The following RASGRF2 variants were observed in gnomAD, a reference collection of about 807,000 sequenced individuals.
RASGRF2 encodes the protein Ras protein specific guanine nucleotide releasing factor 2, also known as ras-specific guanine nucleotide-releasing factor 2.
Under a neutral mutation model 151.0 loss-of-function variants are expected in RASGRF2, and 76 were observed. The observed-to-expected ratio is 0.50, with a 90% CI of 0.42 to 0.61. RASGRF2 has a LOEUF of 0.61. Ranked by LOEUF, RASGRF2 falls within the 20% of genes least tolerant of loss-of-function variation. The pLI, the probability that RASGRF2 is intolerant of heterozygous loss-of-function variation, is 0.00. For synonymous variants in RASGRF2, 504 were observed against 566.5 expected (o/e 0.89, Z 1.57); for missense variants, 1,148 against 1,564.6 (o/e 0.73, Z 4.49).
At chr5:81,095,107 GTCAC>G in intron 12 of RASGRF2, 115 bp downstream of exon 12, 1 of 687,804 alleles carries the variant, frequency 1.5e-6, no homozygotes, top group Non-Finnish European at 2.1e-6. Context: ...AGTTGCTATG[GTCAC>G]TGCCATAATC....
chr5:81,095,074 A>G (rs573282227), intron 12 of RASGRF2, 82 bp downstream of exon 12: 249 of 1,122,436 alleles, frequency 2.2e-4, no homozygotes, highest in Admixed American at 3.4e-4. Context: ...GAGGTTTTTT[A>G]TCTTTATTAA....
chr5:81,068,594 T>C (rs993963140), intron 3 of RASGRF2, among the ~76,000 whole-genome samples: 5 of 152,166 alleles, frequency 3.3e-5, no homozygotes, highest in African/African-American at 9.7e-5. Context: ...ACTTTACTCT[T>C]TTAGATTTGA....
chr5:80,960,523 G>A lies in RASGRF2; in HGVS notation c.-216G>A. ...GCTCGGCCGGGAGGGTGGTGGTTAG[G>A]GCGGAGAGCGTGCCTCGGCCCCAGC... On this transcript the variant is annotated 5_prime_UTR_variant, in exon 1 of 27. Coordinates refer to ENST00000265080, the MANE Select transcript of RASGRF2 (RefSeq NM_006909.3). This position sits in a 1 kb window ranked among gnomAD's most constrained non-coding sequence, Gnocchi z 5.5. 3.4e-6 allele frequency: 1 copy of A among 296,830 alleles called. No homozygotes were observed. The allele number at this position is 296,830 out of a possible 1,614,324, so 18.4% of individuals were successfully genotyped here. A position where few individuals can be genotyped will look rare whatever the true frequency, so the allele number is the denominator to read the frequency against.
At chr5:81,034,886 A>G (rs572332468) in intron 1 of RASGRF2, among the ~76,000 whole-genome samples, 77 of 151,982 alleles carry the variant, frequency 5.1e-4, no homozygotes, top group African/African-American at 1.8e-3. Flanking sequence ...AGCATGGCAC[A>G]TGTATACATA....
chr5:80,976,209 G>A (rs1401714955), intron 1 of RASGRF2, among the ~76,000 whole-genome samples: 3 of 152,148 alleles, frequency 2.0e-5, no homozygotes, highest in Non-Finnish European at 4.4e-5. Flanking sequence ...ATTGTTTTGT[G>A]TTATACGACT....
intron 25 of RASGRF2, 131 bp from the exon 26 acceptor site, chr5:81,219,579 G>C: frequency 1.5e-6 from 1 of 656,304 alleles, no homozygotes; most frequent in Non-Finnish European, 2.6e-6. Flanking sequence ...GGTCAGGCAG[G>C]CTCCACCCGC....
chr5:81,128,997 G>A (rs999973237), intron 17 of RASGRF2, among the ~76,000 whole-genome samples: 27 of 152,122 alleles, frequency 1.8e-4, no homozygotes, highest in Admixed American at 1.5e-3. Context: ...AAATCAGCTG[G>A]GCGTGGTGGC....
At chr5:80,984,301 G>A (rs777550166) in intron 1 of RASGRF2, among the ~76,000 whole-genome samples, 6 of 152,276 alleles carry the variant, frequency 3.9e-5, no homozygotes, top group African/African-American at 1.2e-4. Flanking sequence ...TGATCCACCC[G>A]CCTCGGCCTC....
At chr5:81,206,991 G>C (rs1755522697) in intron 20 of RASGRF2, 86 bp downstream of exon 20, 1 of 1,168,888 alleles carries the variant, frequency 8.6e-7, no homozygotes, top group Admixed American at 1.7e-5. Flanking sequence ...CGATCAAGGA[G>C]TGTTGTAGTA....
intron 1 of RASGRF2, among the ~76,000 whole-genome samples, chr5:81,004,091 G>A (rs986027028): frequency 1.1e-4 from 17 of 152,216 alleles, no homozygotes; most frequent in African/African-American, 3.4e-4. Context: ...TTGTTGATAC[G>A]TGAACTGGGA....
At chr5:81,191,263 C>G (rs1755148844) in intron 18 of RASGRF2, among the ~76,000 whole-genome samples, 1 of 152,154 alleles carries the variant, frequency 6.6e-6, no homozygotes, top group Non-Finnish European at 1.5e-5. Context: ...TTCCTCTCCT[C>G]TCCACTCTGC....
chr5:81,149,913 A>G (rs375996147), intron 17 of RASGRF2, among the ~76,000 whole-genome samples: 7 of 152,012 alleles, frequency 4.6e-5, no homozygotes, highest in African/African-American at 1.4e-4. Context: ...TCTATGAGAA[A>G]CTCTTCACTC....
intron 1 of RASGRF2, among the ~76,000 whole-genome samples, chr5:80,990,113 T>G (rs1748600010): frequency 6.6e-6 from 1 of 152,150 alleles, no homozygotes; most frequent in South Asian, 2.1e-4. Context: ...CTGTGTCCCC[T>G]GGAGAAAGTA....
intron 23 of RASGRF2, among the ~76,000 whole-genome samples, chr5:81,212,769 T>C (rs904133170): frequency 2.0e-5 from 3 of 152,142 alleles, no homozygotes; most frequent in Non-Finnish European, 4.4e-5. Flanking sequence ...CATTAAAGCA[T>C]TTTGGGGGAC....
chr5:81,199,897 CAAA>C (rs33924703), intron 18 of RASGRF2, among the ~76,000 whole-genome samples: 7 of 95,462 alleles, frequency 7.3e-5, no homozygotes, highest in Non-Finnish European at 6.2e-5. Context: ...GACTCCATCT[CAAA>C]AAAAAAAAAA....
At chr5:80,996,527 TCCTCCTCCCCCTCCTCCTCCTCCC>T (rs1748880341) in intron 1 of RASGRF2, among the ~76,000 whole-genome samples, 1 of 46,298 alleles carries the variant, frequency 2.2e-5, no homozygotes, top group Non-Finnish European at 4.2e-5. Flanking sequence ...CTCCCCCTCC[TCCTCCTCCCCCTCCTCCTCCTCCC>T]CCTCCTCCTC....
intron 15 of RASGRF2, among the ~76,000 whole-genome samples, chr5:81,118,609 T>C (rs1753223691): frequency 6.6e-6 from 1 of 152,246 alleles, no homozygotes; most frequent in Non-Finnish European, 1.5e-5. Flanking sequence ...GAAAGGTCAC[T>C]TGGCCACAGC....
chr5:81,132,332 A>G (rs1269733039), intron 17 of RASGRF2, among the ~76,000 whole-genome samples: 15 of 152,206 alleles, frequency 9.9e-5, no homozygotes, highest in Admixed American at 9.8e-4. Context: ...TGTACTGTCC[A>G]TATATTTTTA....
intron 18 of RASGRF2, among the ~76,000 whole-genome samples, chr5:81,197,269 A>C (rs1580398253): frequency 6.6e-6 from 1 of 151,472 alleles, no homozygotes; most frequent in East Asian, 1.9e-4. Flanking sequence ...ATCCTGGCTA[A>C]CAAGGTGAAA....
Sources: allele counts gnomAD v4.1 joint callset (sites outside exome capture counted in the v4.1 genomes callset), GRCh38; gene constraint gnomAD v4.1.1; non-coding constraint Gnocchi (gnomAD v3.1); transcripts MANE v1.5; gene names NCBI Gene and HGNC (gene_info 2026-07-23, HGNC 2026-07-21).